PIK3C2A: variants seen among roughly 807,000 people sequenced by gnomAD.
PIK3C2A encodes the protein phosphatidylinositol 4-phosphate 3-kinase C2 domain-containing subunit alpha.
In PIK3C2A, 97 loss-of-function variants were observed where a neutral mutation model predicts 204.5. That is an observed-to-expected ratio of 0.47 (90% CI 0.40 to 0.56). The LOEUF (loss-of-function observed/expected upper bound fraction) is 0.56. Ranked by LOEUF, PIK3C2A falls within the 20% of genes least tolerant of loss-of-function variation. PIK3C2A has a pLI of 0.00. For missense variants in PIK3C2A, 1,735 were observed against 1,969.2 expected (o/e 0.88, Z 2.25); for synonymous variants, 653 against 664.4 (o/e 0.98, Z 0.26).
intron 1 of PIK3C2A, among the ~76,000 whole-genome samples, chr11:17,182,644 A>G (rs1213216911): frequency 1.3e-5 from 2 of 151,956 alleles, no homozygotes; most frequent in Admixed American, 6.6e-5. Flanking sequence ...AATAAAAGCT[A>G]TACTGTCCCC....
chr11:17,168,877 G>C lies in PIK3C2A; in HGVS notation c.865C>G (p.His289Asp), dbSNP rs750362681. The C allele has an allele frequency of 3.1e-6, 5 of 1,613,928 alleles. No individual in the cohort carries two copies. The highest frequency in any genetic ancestry group is 3.3e-5 in the Admixed American group (2 of 59,980). The change falls in exon 2 of 33, where the codon CAT becomes GAT. Residue 289 changes from histidine to aspartate, a missense_variant. Physicochemically the swap from His to Asp is moderately conservative, Grantham distance 81. Coordinates refer to ENST00000691414, the MANE Select transcript of PIK3C2A (RefSeq NM_002645.4). Reference sequence around the variant, plus strand: ...CTTGAAACATTTTTCTCTTCCTCATGGTCTAATACCTCCACATTATCCACC... The same window carrying C: ...CTTGAAACATTTTTCTCTTCCTCATCGTCTAATACCTCCACATTATCCACC... The part of the protein sequence containing the change: ...PKVDNVEVLD[H>D]EEEKNVSSLL...
chr11:17,113,400 G>A lies in PIK3C2A; in HGVS notation c.3322-734C>T, dbSNP rs117949362. The stretch of plus-strand genomic sequence containing the variant: ...TCCTTCTTCTAAATCACTGTGATGT[G>A]AGACCTCCATTCTTCTGTTTATGGT... On this transcript the variant is annotated intron_variant, in intron 20 of 32. Coordinates refer to ENST00000691414, the MANE Select transcript of PIK3C2A (RefSeq NM_002645.4). Among the ~76,000 whole-genome samples, 92 of 152,120 alleles carry A rather than the reference G, an allele frequency of 6.0e-4. 1 individual carries two copies. The East Asian group carries it at 0.016, about 27-fold the overall frequency.
intron 13 of PIK3C2A, among the ~76,000 whole-genome samples, chr11:17,128,956 CGAA>C (rs1565261125): frequency 1.3e-5 from 2 of 152,154 alleles, no homozygotes; most frequent in African/African-American, 4.8e-5. Context: ...AAAGGAAAAA[CGAA>C]GTTCTTTGGT....
At chr11:17,118,205 G>C (rs542739494) in intron 18 of PIK3C2A, among the ~76,000 whole-genome samples, 83 of 151,400 alleles carry the variant, frequency 5.5e-4, no homozygotes, top group African/African-American at 1.9e-3. Flanking sequence ...CCAACTAGCT[G>C]GGACCACAGG....
At chr11:17,119,124 C>T (rs563059662) in intron 17 of PIK3C2A, 96 bp downstream of exon 17, 30 of 740,342 alleles carry the variant, frequency 4.1e-5, no homozygotes, top group East Asian at 2.9e-4. Flanking sequence ...CACTAAAAAA[C>T]GACTTTTAAT....
At chr11:17,200,431 T>C (rs1224180817) in intron 1 of PIK3C2A, among the ~76,000 whole-genome samples, 2 of 141,150 alleles carry the variant, frequency 1.4e-5, no homozygotes, top group African/African-American at 2.4e-5. Flanking sequence ...AAAAGTTTAT[T>C]AATAAAAAAG....
chr11:17,117,687 A>G lies in PIK3C2A; in HGVS notation c.3036-16T>C. ...TTTGAGAAGCCTAATACAGCAAAAT[A>G]TTTATGTTAGTCACGTCTTGGTTTT... On this transcript the variant is annotated splice_polypyrimidine_tract_variant and intron_variant, in intron 18 of 32. Transcript: ENST00000691414. 1.2e-6 allele frequency: 1 copy of G among 859,212 alleles called. No individual in the cohort carries two copies. The highest frequency in any genetic ancestry group is 1.7e-6 in the Non-Finnish European group (1 of 577,642). The allele number at this position is 859,212 out of a possible 1,614,324, so 53.2% of individuals were successfully genotyped here.
At chr11:17,101,812 C>T (rs1025858909) in intron 24 of PIK3C2A, among the ~76,000 whole-genome samples, 13 of 151,698 alleles carry the variant, frequency 8.6e-5, no homozygotes, top group South Asian at 2.1e-4. Flanking sequence ...ACCGTGTTAG[C>T]CAGGATGGTC....
chr11:17,146,043 G>T, intron 6 of PIK3C2A, 101 bp from the exon 7 acceptor site: 2 of 745,922 alleles, frequency 2.7e-6, no homozygotes, highest in Non-Finnish European at 4.3e-6. Flanking sequence ...TGCAACTAAA[G>T]TGTTTTTCTG....
chr11:17,143,536 G>A (rs975201169), intron 8 of PIK3C2A, among the ~76,000 whole-genome samples: 1 of 151,224 alleles, frequency 6.6e-6, no homozygotes. Context: ...AACAGTAACA[G>A]CTTAGGTTTT....
intron 8 of PIK3C2A, 50 bp from the exon 9 acceptor site, chr11:17,136,675 C>A: frequency 9.5e-7 from 1 of 1,053,882 alleles, no homozygotes. Context: ...ATTTAAAGGA[C>A]CAATTCCAGA....
chr11:17,109,293 T>C (rs10832738), intron 22 of PIK3C2A, among the ~76,000 whole-genome samples: 4,612 of 152,330 alleles, frequency 0.03, 93 homozygotes, highest in South Asian at 0.052. Context: ...TGATTACTTG[T>C]ACATATTATT....
In PIK3C2A at chr11:17,148,653, TTAAA is replaced by T. The variant is rs749029260; in HGVS notation, c.1448+10_1448+13del. On this transcript the variant is annotated intron_variant, in intron 5 of 32. Transcript: ENST00000691414. Reference sequence around the variant, plus strand: ...AATTTCCAAGGATGTTGCTCAGTAGTTAAATAAACTTACTTCTGCAGCACTTCCT... The same window carrying T: ...AATTTCCAAGGATGTTGCTCAGTAGTTAAACTTACTTCTGCAGCACTTCCT... 1.2e-6 allele frequency: 2 copies of T among 1,610,372 alleles called. No homozygotes were observed. The highest frequency in any genetic ancestry group is 2.7e-5 in the African/African-American group (2 of 74,834).
chr11:17,109,337 TA>T (rs1252475135), intron 22 of PIK3C2A, among the ~76,000 whole-genome samples: 9 of 152,374 alleles, frequency 5.9e-5, no homozygotes, highest in South Asian at 4.1e-4. Flanking sequence ...CATATATTCT[TA>T]CCATTTTATA....
chr11:17,152,334 G>C (rs1187107127), intron 3 of PIK3C2A, among the ~76,000 whole-genome samples: 1 of 151,954 alleles, frequency 6.6e-6, no homozygotes, highest in Non-Finnish European at 1.5e-5. Flanking sequence ...CTGTAAAATT[G>C]ATTTCTTCTA....
At chr11:17,122,160 A>T in intron 15 of PIK3C2A, 28 bp downstream of exon 15, 1 of 1,488,218 alleles carries the variant, frequency 6.7e-7, no homozygotes. Context: ...GGAGATACTT[A>T]GCCCAAAACA....
intron 28 of PIK3C2A, among the ~76,000 whole-genome samples, chr11:17,093,172 A>G (rs1011718030): frequency 6.1e-4 from 93 of 152,218 alleles, no homozygotes; most frequent in Non-Finnish European, 2.8e-4. Context: ...CGACACAGGA[A>G]ATCTACTGGT....
intron 32 of PIK3C2A, among the ~76,000 whole-genome samples, chr11:17,090,192 G>A (rs1428760873): frequency 6.6e-6 from 1 of 152,222 alleles, no homozygotes; most frequent in Non-Finnish European, 1.5e-5. Context: ...CTAGAGGCCA[G>A]GCATGGTGGC....
intron 3 of PIK3C2A, among the ~76,000 whole-genome samples, chr11:17,153,362 A>C (rs1279772886): frequency 1.3e-5 from 2 of 151,964 alleles, no homozygotes; most frequent in African/African-American, 4.8e-5. Context: ...TTGAACCTGG[A>C]AGGCAAAGGT....
Sources: gnomAD v4.1 joint callset for allele counts (sites outside exome capture counted in the v4.1 genomes callset) on GRCh38, gnomAD v4.1.1 for gene constraint, MANE v1.5 for transcripts, NCBI Gene and HGNC (gene_info 2026-07-23, HGNC 2026-07-21) for gene names.